Variants in DLGAP4 observed in about 807,000 individuals in gnomAD.
The protein encoded by DLGAP4 is DLG associated protein 4.
Under a neutral mutation model 86.9 loss-of-function variants are expected in DLGAP4, and 18 were observed. That is an observed-to-expected ratio of 0.21 (90% CI 0.14 to 0.31). DLGAP4 has a LOEUF of 0.31. Ranked by LOEUF, DLGAP4 falls within the 10% of genes least tolerant of loss-of-function variation. DLGAP4 has a pLI of 1.00. For synonymous variants in DLGAP4, 548 were observed against 574.3 expected, an observed-to-expected ratio of 0.95 and a Z score of 0.65; for missense variants, 1,085 against 1,362.6, an observed-to-expected ratio of 0.80 and a Z score of 3.21.
At chr20:36,459,433 G>A (rs1040809810) in intron 7 of DLGAP4, among the ~76,000 whole-genome samples, 4 of 151,954 alleles carry the variant, frequency 2.6e-5, no homozygotes, top group African/African-American at 9.7e-5. Flanking sequence ...TTGGAGTGCC[G>A]TGGCAGGATC....
intron 1 of DLGAP4, among the ~76,000 whole-genome samples, chr20:36,342,798 G>A (rs2065397241): frequency 6.6e-6 from 1 of 152,234 alleles, no homozygotes; most frequent in Non-Finnish European, 1.5e-5. Context: ...CAGAACTAGT[G>A]TCCAGTACTG....
chr20:36,397,431 C>T (rs533738717), intron 2 of DLGAP4, among the ~76,000 whole-genome samples: 2 of 152,308 alleles, frequency 1.3e-5, no homozygotes, highest in South Asian at 2.1e-4. Flanking sequence ...CAAAGATACT[C>T]CCCAGTGCCA....
intron 1 of DLGAP4, among the ~76,000 whole-genome samples, chr20:36,356,061 G>A (rs567831431): frequency 8.9e-4 from 136 of 152,326 alleles, no homozygotes; most frequent in African/African-American, 3.2e-3. Flanking sequence ...TAGGACTGGC[G>A]CTGGAACAGC....
At chr20:36,499,327 G>GAA in intron 8 of DLGAP4, 1 of 1,613,080 alleles carries the variant, frequency 6.2e-7, no homozygotes, top group Non-Finnish European at 8.5e-7. Context: ...TCAGAGTAGG[G>GAA]AAAGCCAGTC....
intron 2 of DLGAP4, among the ~76,000 whole-genome samples, chr20:36,400,071 CAAACA>C (rs1264943031): frequency 6.6e-6 from 1 of 152,174 alleles, no homozygotes; most frequent in Non-Finnish European, 1.5e-5. Context: ...CTGAAACAAA[CAAACA>C]AAAAACCTGT....
rs1384840840 is a variant in DLGAP4, at chr20:36,436,177, G to A, written c.1068G>A (p.Glu356=). ...CACGCGAGACGGATGCCGCGGCCGA[G>A]GGCCCTATCCCGTGCCGGCGCATGC... ...LSPRETDAAA[E]GPIPCRRMRS... Residue 356 remains glutamate, a synonymous_variant, in exon 4 of 13, where the codon GAG becomes GAA. Coordinates refer to ENST00000339266, the MANE Select transcript of DLGAP4 (RefSeq NM_001365621.2). The A allele has an allele frequency of 6.3e-7, 1 of 1,599,306 alleles. No individual in the cohort carries two copies. The highest frequency in any genetic ancestry group is 1.1e-5 in the South Asian group (1 of 90,438).
chr20:36,429,522 C>G (rs979129185), intron 2 of DLGAP4, among the ~76,000 whole-genome samples: 2 of 150,894 alleles, frequency 1.3e-5, no homozygotes, highest in African/African-American at 4.9e-5. Flanking sequence ...CTCCAGAAGC[C>G]TCAGCCTCCC....
At chr20:36,422,088 A>G (rs2032846019) in intron 2 of DLGAP4, among the ~76,000 whole-genome samples, 1 of 152,074 alleles carries the variant, frequency 6.6e-6, no homozygotes, top group Non-Finnish European at 1.5e-5. Context: ...GCCATGGCGC[A>G]ACACAGCCAG....
At chr20:36,510,406 G>A (rs2036625429) in intron 10 of DLGAP4, among the ~76,000 whole-genome samples, 1 of 152,096 alleles carries the variant, frequency 6.6e-6, no homozygotes, top group Non-Finnish European at 1.5e-5. Context: ...TGGGACTACA[G>A]GTGCATGCAA....
intron 1 of DLGAP4, among the ~76,000 whole-genome samples, chr20:36,318,051 G>A (rs1009175598): frequency 6.6e-6 from 1 of 151,304 alleles, no homozygotes; most frequent in Non-Finnish European, 1.5e-5. Flanking sequence ...ACTTATTACT[G>A]TGGAACAAAT....
At chr20:36,332,509 C>A (rs1286909556) in intron 1 of DLGAP4, among the ~76,000 whole-genome samples, 1 of 152,070 alleles carries the variant, frequency 6.6e-6, no homozygotes, top group Admixed American at 6.5e-5. Context: ...TCTCCCTCAG[C>A]CTCCCTAGTA....
Position 36,436,268 on chromosome 20 carries a change from C to T in DLGAP4, c.1159C>T (p.Pro387Ser). ...CGACGAGTCCGGCGGCAGCCCCAAG[C>T]CCTCACCCAAGACCGCGGCGCGGCG... Reference protein sequence around the residue: ...DSDESGGSPKPSPKTAARRQS... With the variant: ...DSDESGGSPKSSPKTAARRQS... The change falls in exon 4 of 13, where the codon CCC becomes TCC. Residue 387 changes from proline to serine, a missense_variant. Pro to Ser is a moderately conservative substitution (Grantham distance 74, BLOSUM62 -1). This residue lies in a region of DLGAP4 where 1,082 missense variants were observed against 1,344.1 expected (regional missense o/e 0.81). Coordinates refer to ENST00000339266, the MANE Select transcript of DLGAP4 (RefSeq NM_001365621.2). 6.2e-7 allele frequency: 1 copy of T among 1,605,844 alleles called. No homozygotes were observed.
chr20:36,439,680 A>G (rs2033390053), intron 4 of DLGAP4, 74 bp from the exon 5 acceptor site: 11 of 1,316,222 alleles, frequency 8.4e-6, no homozygotes, highest in Non-Finnish European at 9.6e-6. Context: ...TGTGCATCAC[A>G]GATGGTCAAG....
chr20:36,450,595 C>T (rs1301092940), intron 7 of DLGAP4, among the ~76,000 whole-genome samples: 2 of 152,122 alleles, frequency 1.3e-5, no homozygotes, highest in African/African-American at 4.8e-5. Flanking sequence ...ACTTTTATTC[C>T]CAAGACCCCC....
intron 7 of DLGAP4, among the ~76,000 whole-genome samples, chr20:36,487,055 G>A (rs1375688821): frequency 6.6e-6 from 1 of 152,198 alleles, no homozygotes; most frequent in African/African-American, 2.4e-5. Context: ...GGCCTGCTGG[G>A]GTGGAGAGAC....
chr20:36,431,641 C>T lies in DLGAP4; in HGVS notation c.-72-5C>T. On this transcript the variant is annotated splice_polypyrimidine_tract_variant and splice_region_variant and intron_variant, in intron 2 of 12. Coordinates refer to ENST00000339266, the MANE Select transcript of DLGAP4 (RefSeq NM_001365621.2). The surrounding 1 kb of genome is among the most constrained non-coding windows in gnomAD (Gnocchi z 5.1). The stretch of plus-strand genomic sequence containing the variant: ...AGCTGACCGCTTTCTGTCTTCTCTC[C>T]CTAGGATAGCTGCCGCCCGGGAGAG... The T allele has an allele frequency of 2.7e-6, 4 of 1,485,980 alleles. No homozygotes were observed. Among genetic ancestry groups the T allele is most frequent in the Non-Finnish European group, 3.6e-6 (4 of 1,112,048 alleles). The allele number at this position is 1,485,980 out of a possible 1,614,324, so 92.0% of individuals were successfully genotyped here. A position where few individuals can be genotyped will look rare whatever the true frequency, so the allele number is the denominator to read the frequency against.
At chr20:36,521,200 C>CT (rs2037358476) in intron 10 of DLGAP4, among the ~76,000 whole-genome samples, 2 of 152,298 alleles carry the variant, frequency 1.3e-5, no homozygotes, top group South Asian at 4.1e-4. Context: ...AGTGATCTGC[C>CT]TGCCTTGGCC....
At chr20:36,526,285 C>A (rs990747585) in intron 12 of DLGAP4, among the ~76,000 whole-genome samples, 3 of 151,282 alleles carry the variant, frequency 2.0e-5, no homozygotes, top group Non-Finnish European at 4.4e-5. Context: ...CACGTTATAA[C>A]AGAGGAGGCA....
chr20:36,376,204 G>A (rs1011931166), intron 2 of DLGAP4, among the ~76,000 whole-genome samples: 4 of 152,150 alleles, frequency 2.6e-5, no homozygotes, highest in Admixed American at 6.5e-5. Flanking sequence ...AAGGCCAGGT[G>A]TGGTGGCTCA....
Sources: gnomAD v4.1 joint callset for allele counts (sites outside exome capture counted in the v4.1 genomes callset) on GRCh38, gnomAD v4.1.1 for gene constraint, gnomAD v4.1.1 regional missense constraint, Gnocchi (gnomAD v3.1) non-coding constraint, MANE v1.5 for transcripts, NCBI Gene and HGNC (gene_info 2026-07-23, HGNC 2026-07-21) for gene names.